Variants in DNAH11 observed in about 807,000 individuals in gnomAD.
The protein encoded by DNAH11 is axonemal beta dynein heavy chain 11.
In DNAH11, 442 loss-of-function variants were observed where a neutral mutation model predicts 526.0. The ratio of observed to expected loss-of-function variants is 0.84; its 90% CI spans 0.78 to 0.91. DNAH11 has a LOEUF of 0.91. Among genes scored for constraint, DNAH11 ranks in the 40% least tolerant of loss-of-function variants. The probability of loss-of-function intolerance (pLI) is 0.00; values close to 1 mark genes in which losing one functional copy is unlikely to be tolerated. For synonymous variants in DNAH11, 2,461 were observed against 1,935.9 expected (o/e 1.27, Z -7.12); for missense variants, 6,989 against 5,448.7 (o/e 1.28, Z -8.90).
rs773302246 is a variant in DNAH11, at chr7:21,617,726, G to A, written c.4203G>A (p.Gln1401=). 8 of 1,613,112 alleles carry A rather than the reference G, an allele frequency of 5.0e-6. No individual in the cohort carries two copies. Among genetic ancestry groups the A allele is most frequent in the Non-Finnish European group, 6.8e-6 (8 of 1,179,540 alleles). The change falls in exon 23 of 82, where the codon CAG becomes CAA. Residue 1401 remains glutamine, a synonymous_variant. Transcript: ENST00000409508. ...TASLRAITEL[Q]SPALRDRHWH... is the part of the protein sequence containing the mutation. ...CCCTGAGGGCCATCACAGAGTTACA[G>A]AGCCCTGCCCTCAGGGACAGGCATT...
intron 69 of DNAH11, 147 bp from the exon 70 acceptor site, chr7:21,864,388 A>G (rs1320922205): frequency 1.8e-6 from 1 of 566,430 alleles, no homozygotes; most frequent in African/African-American, 1.9e-5. Context: ...AAGATTCCCT[A>G]TTTCAACAGT....
intron 8 of DNAH11, among the ~76,000 whole-genome samples, chr7:21,580,172 G>A (rs1181267919): frequency 6.6e-6 from 1 of 152,158 alleles, no homozygotes; most frequent in African/African-American, 2.4e-5. Flanking sequence ...AGATATCAGG[G>A]AGGGAGACTA....
intron 75 of DNAH11, 108 bp downstream of exon 75, chr7:21,881,001 T>C (rs1583807264): frequency 2.0e-6 from 2 of 987,946 alleles, no homozygotes; most frequent in Non-Finnish European, 2.9e-6. Context: ...ATTATTGAAA[T>C]AGCTGACACT....
chr7:21,810,152 T>G (rs1265012268), intron 63 of DNAH11, among the ~76,000 whole-genome samples: 1 of 152,236 alleles, frequency 6.6e-6, no homozygotes, highest in Non-Finnish European at 1.5e-5. Context: ...TAGCTTACCC[T>G]AAATTTGAAA....
At chr7:21,775,630 A>AG (rs2127980404) in intron 56 of DNAH11, among the ~76,000 whole-genome samples, 1 of 150,742 alleles carries the variant, frequency 6.6e-6, no homozygotes. Flanking sequence ...AAAAAAAACA[A>AG]GTCTGTCTTT....
chr7:21,782,823 T>C (rs1788006167), intron 57 of DNAH11, among the ~76,000 whole-genome samples: 1 of 151,668 alleles, frequency 6.6e-6, no homozygotes. Flanking sequence ...GGCAGGAGAA[T>C]TGCTTGAATC....
At chr7:21,885,315 C>G in intron 76 of DNAH11, among the ~76,000 whole-genome samples, 1 of 149,292 alleles carries the variant, frequency 6.7e-6, no homozygotes, top group East Asian at 2.0e-4. Flanking sequence ...AAAAGATGCT[C>G]CAGGGTGAAC....
At chr7:21,877,323 C>T (rs1381816539) in intron 74 of DNAH11, among the ~76,000 whole-genome samples, 1 of 152,188 alleles carries the variant, frequency 6.6e-6, no homozygotes, top group Non-Finnish European at 1.5e-5. Context: ...AATCCTCCTG[C>T]CTCAGCCTCC....
At chr7:21,897,652 G>T (rs1485704657) in intron 79 of DNAH11, among the ~76,000 whole-genome samples, 1 of 151,954 alleles carries the variant, frequency 6.6e-6, no homozygotes, top group Non-Finnish European at 1.5e-5. Context: ...TTCTCATTCT[G>T]TTGCCTAGGC....
intron 5 of DNAH11, among the ~76,000 whole-genome samples, chr7:21,563,738 A>C (rs1783554472): frequency 6.6e-6 from 1 of 152,182 alleles, no homozygotes; most frequent in Non-Finnish European, 1.5e-5. Flanking sequence ...AGTTACTGTC[A>C]TAGGAAACTG....
At chr7:21,797,971 C>T (rs988469534) in intron 61 of DNAH11, among the ~76,000 whole-genome samples, 2 of 152,202 alleles carry the variant, frequency 1.3e-5, no homozygotes, top group South Asian at 4.1e-4. Context: ...CCATAGCACA[C>T]CTACCTATGA....
At chr7:21,897,058 G>A (rs558685437) in intron 79 of DNAH11, among the ~76,000 whole-genome samples, 3 of 152,280 alleles carry the variant, frequency 2.0e-5, no homozygotes, top group East Asian at 1.9e-4. Context: ...CTGGGTGACA[G>A]AGCAAGACCC....
chr7:21,763,352 A>AAAAAAGAAAAG (rs1787012273), intron 54 of DNAH11, among the ~76,000 whole-genome samples: 1 of 112,328 alleles, frequency 8.9e-6, no homozygotes, highest in African/African-American at 3.1e-5. Context: ...AAAAAAAAAA[A>AAAAAAGAAAAG]AAAAGAAAAA....
intron 65 of DNAH11, among the ~76,000 whole-genome samples, chr7:21,827,311 A>AT (rs200202808): frequency 0.01 from 1,553 of 152,236 alleles, 23 homozygotes; most frequent in African/African-American, 0.035. Flanking sequence ...TCAACATGTA[A>AT]TTTTTCCAAA....
chr7:21,717,622 A>G (rs911554126), intron 42 of DNAH11, among the ~76,000 whole-genome samples, 153 bp from the exon 43 acceptor site: 1 of 152,206 alleles, frequency 6.6e-6, no homozygotes, highest in Non-Finnish European at 1.5e-5. Context: ...GGGCCATTTT[A>G]AAATATTTGC....
chr7:21,805,544 A>G, intron 62 of DNAH11, among the ~76,000 whole-genome samples: 1 of 152,132 alleles, frequency 6.6e-6, no homozygotes. Context: ...ACTTAAAACT[A>G]CTTCCATTTA....
intron 25 of DNAH11, among the ~76,000 whole-genome samples, chr7:21,629,364 G>C (rs1786493939): frequency 6.6e-6 from 1 of 152,094 alleles, no homozygotes; most frequent in Non-Finnish European, 1.5e-5. Flanking sequence ...TGACAAAAAG[G>C]ATTTGTATTC....
At chr7:21,756,364 A>T (rs1786640407) in intron 54 of DNAH11, among the ~76,000 whole-genome samples, 1 of 152,020 alleles carries the variant, frequency 6.6e-6, no homozygotes, top group South Asian at 2.1e-4. Context: ...GCTGTCTGTT[A>T]TGTCCCATTA....
chr7:21,677,525 G>T (rs552602478), intron 30 of DNAH11, among the ~76,000 whole-genome samples: 177 of 152,226 alleles, frequency 1.2e-3, no homozygotes, highest in African/African-American at 4.0e-3. Context: ...GGGATTACAG[G>T]TACACGTCAC....
Sources: gnomAD v4.1 joint callset for allele counts (sites outside exome capture counted in the v4.1 genomes callset) on GRCh38, gnomAD v4.1.1 for gene constraint, MANE v1.5 for transcripts, NCBI Gene and HGNC (gene_info 2026-07-23, HGNC 2026-07-21) for gene names.